NAA20: variants seen among roughly 807,000 people sequenced by gnomAD.
NAA20 encodes N-alpha-acetyltransferase 20.
A neutral mutation model predicts 23.8 loss-of-function variants in NAA20; 24 were observed. That is an observed-to-expected ratio of 1.01 (90% confidence interval 0.73 to 1.42). The LOEUF is 1.42. Among genes scored for constraint, NAA20 ranks in the 40% most tolerant of loss-of-function variants. The probability of loss-of-function intolerance (pLI) is 0.00; values close to 1 mark genes in which losing one functional copy is unlikely to be tolerated. For synonymous variants in NAA20, 83 were observed against 77.7 expected (o/e 1.07, Z -0.36); for missense variants, 166 against 223.1 (o/e 0.74, Z 1.63).
chr20:20,028,330 G>T (rs1397128296), intron 4 of NAA20, among the ~76,000 whole-genome samples: 1 of 152,084 alleles, frequency 6.6e-6, no homozygotes, highest in Non-Finnish European at 1.5e-5. Flanking sequence ...ACACACCAGG[G>T]CCTGTCGGGG....
At chr20:20,017,752 C>T in intron 1 of NAA20, 1 of 1,433,444 alleles carries the variant, frequency 7.0e-7, no homozygotes, top group Non-Finnish European at 9.1e-7. Flanking sequence ...TGGTCGCTGT[C>T]AGGAGGCGCT....
At chr20:20,026,642 C>G (rs1390585622) in intron 3 of NAA20, 142 bp from the exon 4 acceptor site, 1 of 827,858 alleles carries the variant, frequency 1.2e-6, no homozygotes, top group African/African-American at 1.7e-5. Context: ...AAAGCACTAA[C>G]TGTTAGCTGG....
intron 2 of NAA20, chr20:20,022,749 GCTGTATT>G: frequency 2.8e-6 from 1 of 357,596 alleles, no homozygotes; most frequent in Middle Eastern, 7.7e-4. Context: ...AGTCAGCATG[GCTGTATT>G]CACCAGAAAG....
At chr20:20,017,604 TG>T in intron 1 of NAA20, 155 bp downstream of exon 1, 10 of 1,308,550 alleles carry the variant, frequency 7.6e-6, no homozygotes, top group Non-Finnish European at 1.0e-5. Flanking sequence ...GGCGCCTCCC[TG>T]GGGCCACAGG....
rs1307911894 is a variant in NAA20, at chr20:20,025,786, G to A, written c.169+19G>A. 1.4e-6 allele frequency: 2 copies of A among 1,464,788 alleles called. No individual in the cohort carries two copies. The highest frequency in any genetic ancestry group is 1.4e-5 in the African/African-American group (1 of 71,850). The allele number at this position is 1,464,788 out of a possible 1,614,324, so 90.7% of individuals were successfully genotyped here. A position where few individuals can be genotyped will look rare whatever the true frequency, so the allele number is the denominator to read the frequency against. On this transcript the variant is annotated intron_variant, in intron 3 of 5. Coordinates refer to ENST00000334982, the MANE Select transcript of NAA20 (RefSeq NM_016100.5). Reference sequence around the variant, plus strand: ...GGTTATAGTAAGTATAATACCACTAGTATTTTGTGGAGTAGGTAAAGATTT... The same window carrying A: ...GGTTATAGTAAGTATAATACCACTAATATTTTGTGGAGTAGGTAAAGATTT...
rs567920995 is a variant in NAA20, at chr20:20,032,486, CT to C, written c.306-16del. The C allele has an allele frequency of 3.9e-5, 63 of 1,603,198 alleles. No individual in the cohort carries two copies. The Admixed American group carries it at 8.3e-4, about 21-fold the overall frequency. On this transcript the variant is annotated intron_variant, in intron 4 of 5. Transcript: ENST00000334982. Reference sequence around the variant, plus strand: ...GGGTTTCTCACATTCTAACATTTTCCTTTTTTGTTTTTCTTTTAAAGAAAGG... The same window carrying C: ...GGGTTTCTCACATTCTAACATTTTCCTTTTTGTTTTTCTTTTAAAGAAAGG...
rs372129289 is a variant in NAA20 at position 20,028,336 on chromosome 20, C to T, written c.305+1417C>T. On this transcript the variant is annotated intron_variant, in intron 4 of 5. Coordinates refer to ENST00000334982, the MANE Select transcript of NAA20 (RefSeq NM_016100.5). The stretch of plus-strand genomic sequence containing the variant: ...GGGAACATCACACACCAGGGCCTGT[C>T]GGGGGTGGGGGTCTAAGGGAGGGAT... Among the ~76,000 whole-genome samples the T allele has an allele frequency of 1.2e-4, 18 of 151,920 alleles. No individual in the cohort carries two copies. In the South Asian group the frequency reaches 2.9e-3, roughly 25 times the overall value.
intron 3 of NAA20, among the ~76,000 whole-genome samples, chr20:20,026,493 G>GA (rs902394461): frequency 6.9e-6 from 1 of 145,792 alleles, no homozygotes; most frequent in Non-Finnish European, 1.5e-5. Flanking sequence ...GCAGATATTT[G>GA]AAAAAATACA....
At chr20:20,022,733 C>G in intron 2 of NAA20, 4 of 398,494 alleles carry the variant, frequency 1.0e-5, no homozygotes, top group Non-Finnish European at 1.8e-5. Flanking sequence ...AACCTTGCCC[C>G]TCAGGAGTCA....
Position 20,017,736 on chromosome 20 carries a change from C to G in NAA20, c.53+287C>G, listed in dbSNP as rs895446539. 1.0e-5 allele frequency: 15 copies of G among 1,431,556 alleles called. No individual in the cohort carries two copies. In the African/African-American group the frequency reaches 2.2e-4, roughly 21 times the overall value. The allele number at this position is 1,431,556 out of a possible 1,614,324, so 88.7% of individuals were successfully genotyped here. ...GGTTCTGGGGCAGCGCTCGGGCCTC[C>G]GCTCGTGGTCGCTGTCAGGAGGCGC... On this transcript the variant is annotated intron_variant, in intron 1 of 5. Transcript: ENST00000334982.
chr20:20,027,009 A>C, intron 4 of NAA20, 90 bp downstream of exon 4: 4 of 1,507,190 alleles, frequency 2.7e-6, no homozygotes, highest in Non-Finnish European at 3.6e-6. Flanking sequence ...CATGCTTTAC[A>C]GTTCACAGGA....
chr20:20,017,850 G>T, intron 1 of NAA20: 1 of 1,537,660 alleles, frequency 6.5e-7, no homozygotes, highest in Non-Finnish European at 8.7e-7. Context: ...TCGTGGCCGG[G>T]CCGCGCCTCT....
intron 3 of NAA20, among the ~76,000 whole-genome samples, chr20:20,026,404 C>G (rs1041125053): frequency 6.6e-6 from 1 of 152,008 alleles, no homozygotes; most frequent in Non-Finnish European, 1.5e-5. Flanking sequence ...ATTGAATTAG[C>G]ATTACTAACA....
chr20:20,030,697 A>G (rs2043337358), intron 4 of NAA20, among the ~76,000 whole-genome samples: 2 of 151,572 alleles, frequency 1.3e-5, no homozygotes, highest in Non-Finnish European at 1.5e-5. Context: ...ATAAAAATCA[A>G]TTGTATTTAC....
intron 4 of NAA20, among the ~76,000 whole-genome samples, chr20:20,028,764 C>G (rs1601130692): frequency 6.6e-6 from 1 of 151,700 alleles, no homozygotes; most frequent in Non-Finnish European, 1.5e-5. Flanking sequence ...AAATAGAAAC[C>G]AAACAAGTAG....
At chr20:20,017,724 C>T in intron 1 of NAA20, 2 of 1,429,836 alleles carry the variant, frequency 1.4e-6, no homozygotes, top group Non-Finnish European at 9.1e-7. Flanking sequence ...TCTGGGGCAG[C>T]GCTCGGGCCT....
intron 1 of NAA20, among the ~76,000 whole-genome samples, chr20:20,020,384 C>T (rs1297851784): frequency 6.6e-6 from 1 of 152,162 alleles, no homozygotes; most frequent in African/African-American, 2.4e-5. Context: ...GAATGAGTTA[C>T]ATGAACACTG....
At position 20,032,115 on chromosome 20, in the gene NAA20, T is replaced by C. The variant is rs73287580; in HGVS notation, c.306-393T>C. ...GACTTGTGCACAAGCCCAGCCACTC[T>C]TGAAGCTGACTCTTACAATGTTAGT... On this transcript the variant is annotated intron_variant, in intron 4 of 5. Coordinates refer to ENST00000334982, the MANE Select transcript of NAA20 (RefSeq NM_016100.5). Among the ~76,000 whole-genome samples, 1,277 of 149,984 alleles carry C rather than the reference T, an allele frequency of 8.5e-3. 56 individuals are homozygous for C. The highest frequency in any genetic ancestry group is 0.031 in the African/African-American group (1,225 of 39,330).
In NAA20 at chr20:20,026,802, G is replaced by C. The variant is rs1444143736; in HGVS notation, c.188G>C (p.Gly63Ala). ...TTGGCAGTTATGGGTAAAGCAGAAG[G>C]CTCAGTAGCTAGGGAAGAATGGCAC... ...LMGYIMGKAE[G>A]SVAREEWHGH... The change falls in exon 4 of 6, where the codon GGC becomes GCC. Residue 63 changes from glycine (G) to alanine (A), a missense_variant. By Grantham distance (60) the Gly-to-Ala change is moderately conservative. Transcript: ENST00000334982. 3 of 1,614,146 alleles carry C rather than the reference G, an allele frequency of 1.9e-6. No homozygotes were observed.
Sources: gnomAD v4.1 joint callset for allele counts (sites outside exome capture counted in the v4.1 genomes callset) on GRCh38, gnomAD v4.1.1 for gene constraint, MANE v1.5 for transcripts, NCBI Gene and HGNC (gene_info 2026-07-23, HGNC 2026-07-21) for gene names.